Variants in CAMKMT observed in about 807,000 individuals in gnomAD.
CAMKMT encodes CaM KMT.
In CAMKMT, 53 loss-of-function variants were observed where a neutral mutation model predicts 48.0. That is an observed-to-expected ratio of 1.10 (90% CI 0.89 to 1.39). CAMKMT has a LOEUF of 1.39. Ranked by LOEUF, CAMKMT falls within the 40% of genes most tolerant of loss-of-function variation. CAMKMT has a pLI of 0.00. For missense variants in CAMKMT, 428 were observed against 402.7 expected, an observed-to-expected ratio of 1.06 and a Z score of -0.54; for synonymous variants, 165 against 152.3, an observed-to-expected ratio of 1.08 and a Z score of -0.61.
chr2:44,521,185 A>G (rs1177288678), intron 3 of CAMKMT, among the ~76,000 whole-genome samples: 1 of 152,230 alleles, frequency 6.6e-6, no homozygotes, highest in Non-Finnish European at 1.5e-5. Context: ...ATTTACGTTT[A>G]TTAGATGCTC....
chr2:44,617,447 G>C (rs988345293), intron 3 of CAMKMT, among the ~76,000 whole-genome samples: 2 of 152,154 alleles, frequency 1.3e-5, no homozygotes, highest in African/African-American at 4.8e-5. Context: ...AGTTAAAAAA[G>C]AGTTATCCAG....
At chr2:44,764,525 C>T (rs1680754501) in intron 9 of CAMKMT, among the ~76,000 whole-genome samples, 1 of 152,090 alleles carries the variant, frequency 6.6e-6, no homozygotes, top group Non-Finnish European at 1.5e-5. Context: ...AGGTTCTTAT[C>T]GACAAAATGG....
chr2:44,627,689 A>G (rs12471836), intron 3 of CAMKMT, among the ~76,000 whole-genome samples: 83,219 of 128,124 alleles, frequency 0.65, 25,842 homozygotes, highest in Admixed American at 0.71. Context: ...TAATGGTCCC[A>G]TTTTATCCTT....
At chr2:44,450,018 A>C (rs189618385) in intron 3 of CAMKMT, among the ~76,000 whole-genome samples, 7 of 152,312 alleles carry the variant, frequency 4.6e-5, no homozygotes, top group African/African-American at 1.7e-4. Context: ...GAATGCTTCA[A>C]CTTGAGATGG....
chr2:44,693,215 G>A (rs2104228272), intron 3 of CAMKMT, among the ~76,000 whole-genome samples: 1 of 152,274 alleles, frequency 6.6e-6, no homozygotes, highest in East Asian at 1.9e-4. Context: ...TCTTAGAGTA[G>A]CCAGAATTAT....
chr2:44,593,905 A>C (rs1447502478), intron 3 of CAMKMT, among the ~76,000 whole-genome samples: 2 of 151,824 alleles, frequency 1.3e-5, no homozygotes, highest in Non-Finnish European at 2.9e-5. Flanking sequence ...CTGGGACTAC[A>C]GGCATGTACC....
chr2:44,757,783 C>T (rs576465956), intron 9 of CAMKMT, among the ~76,000 whole-genome samples: 2 of 152,200 alleles, frequency 1.3e-5, no homozygotes, highest in East Asian at 1.9e-4. Flanking sequence ...AGGCTGGTCT[C>T]GAACTCCTGA....
intron 3 of CAMKMT, among the ~76,000 whole-genome samples, chr2:44,557,184 TACTA>T (rs1168499099): frequency 2.0e-5 from 3 of 152,222 alleles, no homozygotes; most frequent in African/African-American, 4.8e-5. Flanking sequence ...ATGATAATGG[TACTA>T]ACTGTGTCCT....
At chr2:44,502,339 G>C (rs1467609680) in intron 3 of CAMKMT, among the ~76,000 whole-genome samples, 1 of 152,102 alleles carries the variant, frequency 6.6e-6, no homozygotes, top group Non-Finnish European at 1.5e-5. Flanking sequence ...CCCTGTGACT[G>C]ATTAGTATCC....
intron 1 of CAMKMT, among the ~76,000 whole-genome samples, chr2:44,364,921 C>T (rs1199690791): frequency 6.6e-6 from 1 of 152,112 alleles, no homozygotes. Context: ...GTGTTTATTT[C>T]CTATTGGCCA....
In CAMKMT at chr2:44,589,356, G is replaced by A. The variant is rs1234970145; in HGVS notation, c.377-114927G>A. On this transcript the variant is annotated intron_variant, in intron 3 of 10. Transcript: ENST00000378494. ...CTACTGGGAAGTGAGGAGCCCCTCT[G>A]CCCGGCCACGACCCCGTCTGGGAGG... is the stretch of plus-strand genomic sequence containing the variant. 5.5e-5 allele frequency among the ~76,000 whole-genome samples: 3 copies of A among 54,266 alleles called. 1 individual carries two copies. The highest frequency in any genetic ancestry group is 1.2e-4 in the Non-Finnish European group (3 of 25,700). 35.6% of individuals were successfully genotyped at this position (54,266 alleles called of 152,430 possible). A position where few individuals can be genotyped will look rare whatever the true frequency, so the allele number is the denominator to read the frequency against.
At chr2:44,659,499 G>T (rs1674563121) in intron 3 of CAMKMT, among the ~76,000 whole-genome samples, 1 of 151,054 alleles carries the variant, frequency 6.6e-6, no homozygotes, top group Non-Finnish European at 1.5e-5. Flanking sequence ...GGAGGCTGAG[G>T]TGGGAGGATC....
intron 3 of CAMKMT, among the ~76,000 whole-genome samples, chr2:44,604,818 GAC>G (rs1671195407): frequency 6.6e-6 from 1 of 152,050 alleles, no homozygotes. Context: ...GAAATTTTAT[GAC>G]ACAGAGTTGT....
chr2:44,510,760 C>G (rs189116401), intron 3 of CAMKMT, among the ~76,000 whole-genome samples: 1 of 152,016 alleles, frequency 6.6e-6, no homozygotes, highest in Non-Finnish European at 1.5e-5. Flanking sequence ...ATCACCTGAA[C>G]GGTATACACT....
intron 3 of CAMKMT, among the ~76,000 whole-genome samples, chr2:44,477,709 T>G (rs930471458): frequency 6.6e-6 from 1 of 152,214 alleles, no homozygotes; most frequent in African/African-American, 2.4e-5. Context: ...CCATCAGAGC[T>G]TTTGTTCGCA....
At chr2:44,377,164 G>A (rs1303586483) in intron 2 of CAMKMT, among the ~76,000 whole-genome samples, 1 of 151,954 alleles carries the variant, frequency 6.6e-6, no homozygotes, top group African/African-American at 2.4e-5. Flanking sequence ...ATGCCACCAT[G>A]CCCAGCTAAT....
chr2:44,767,665 TA>T (rs1680897196), intron 10 of CAMKMT, among the ~76,000 whole-genome samples: 1 of 151,980 alleles, frequency 6.6e-6, no homozygotes, highest in South Asian at 2.1e-4. Flanking sequence ...GATCAGAAAA[TA>T]AAAACAGGAT....
intron 3 of CAMKMT, among the ~76,000 whole-genome samples, chr2:44,531,199 C>G (rs191765334): frequency 7.2e-5 from 11 of 152,096 alleles, no homozygotes; most frequent in African/African-American, 2.6e-4. Flanking sequence ...TTGTTCTGCG[C>G]GGTTTTTAAG....
chr2:44,499,995 C>T (rs1289268534), intron 3 of CAMKMT, among the ~76,000 whole-genome samples: 1 of 152,074 alleles, frequency 6.6e-6, no homozygotes, highest in Non-Finnish European at 1.5e-5. Context: ...TATTTATTAT[C>T]TATCCTAGAT....
Sources: allele counts gnomAD v4.1 joint callset (sites outside exome capture counted in the v4.1 genomes callset), GRCh38; gene constraint gnomAD v4.1.1; transcripts MANE v1.5; gene names NCBI Gene and HGNC (gene_info 2026-07-23, HGNC 2026-07-21).